Variants in CLCN4 observed in about 807,000 individuals in gnomAD.
CLCN4 encodes H(+)/Cl(-) exchange transporter 4.
In CLCN4, 1 loss-of-function variant was observed where a neutral mutation model predicts 41.7. The observed-to-expected ratio is 0.02, with a 90% CI of 0.01 to 0.11. CLCN4 has a LOEUF of 0.11. Among genes scored for constraint, CLCN4 ranks in the 10% least tolerant of loss-of-function variants. The pLI, the probability that CLCN4 is intolerant of heterozygous loss-of-function variation, is 1.00. For synonymous variants in CLCN4, 277 were observed against 285.8 expected (o/e 0.97, Z 0.31); for missense variants, 287 against 661.0 (o/e 0.43, Z 6.20).
At position 10,216,897 on chromosome X, in the gene CLCN4, GTATATATATATATA is replaced by G. The variant is rs1555977625; in HGVS notation, c.1975+2827_1975+2840del. Among the ~76,000 whole-genome samples the G allele has an allele frequency of 3.4e-4, 7 of 20,826 alleles. 1 individual carries two copies. Among genetic ancestry groups the G allele is most frequent in the Admixed American group, 1.2e-3 (2 of 1,729 alleles). The allele number at this position is 20,826 out of a possible 115,157, so 18.1% of individuals were successfully genotyped here. ...GTTGGGGATGTGTGTGTGTGTGTGT[GTATATATATATATA>G]TATATATACACACACACACATAGAG... On this transcript the variant is annotated intron_variant, in intron 11 of 12. Transcript: ENST00000380833.
intron 12 of CLCN4, among the ~76,000 whole-genome samples, chrX:10,228,228 TC>T (rs935536297): frequency 2.5e-4 from 27 of 106,087 alleles, no homozygotes; most frequent in Admixed American, 7.2e-4. Flanking sequence ...CATCCCCTCC[TC>T]CCCCCTCCCC....
At chrX:10,161,124 G>GCTCTCTCTCTCTCTCTCTCTCT (rs34687262) in intron 2 of CLCN4, among the ~76,000 whole-genome samples, 13 of 86,417 alleles carry the variant, frequency 1.5e-4, no homozygotes, top group South Asian at 6.3e-4. Context: ...CCATCAGCTT[G>GCTCTCTCTCTCTCTCTCTCTCT]CTCTCTCTCT....
chrX:10,199,235 CACA>C (rs1924175458), intron 6 of CLCN4, among the ~76,000 whole-genome samples: 1 of 112,230 alleles, frequency 8.9e-6, no homozygotes, highest in East Asian at 2.8e-4. Flanking sequence ...TGCAAAATCA[CACA>C]ACAGAAACCA....
intron 10 of CLCN4, among the ~76,000 whole-genome samples, chrX:10,213,205 G>GT (rs1443837218): frequency 8.9e-6 from 1 of 112,124 alleles, no homozygotes; most frequent in Non-Finnish European, 1.9e-5. Context: ...TTAAACCATC[G>GT]TAAGTCAGGG....
At position 10,213,565 on chromosome X, in the gene CLCN4, T is replaced by C. The variant is rs1924625321; in HGVS notation, c.1577-116T>C. 6.0e-6 allele frequency: 4 copies of C among 670,549 alleles called. No homozygotes were observed. The South Asian group carries it at 1.1e-4, about 18-fold the overall frequency. 55.3% of individuals were successfully genotyped at this position (670,549 alleles called of 1,213,427 possible). On this transcript the variant is annotated intron_variant, in intron 10 of 12. Transcript: ENST00000380833. ...CCAGTGTAGGAAGCATGTAGGAGAG[T>C]CTGCTTGGAACAGGTGTGAGGGGAA...
At position 10,227,532 on chromosome X, in the gene CLCN4, T is replaced by G. The variant is rs188400086; in HGVS notation, c.2193-5962T>G. Reference sequence around the variant, plus strand: ...TCTCTCACCATTCCTATTTAACATATTGTACAATTCACCCATTTAAAATGC... The same window carrying G: ...TCTCTCACCATTCCTATTTAACATAGTGTACAATTCACCCATTTAAAATGC... On this transcript the variant is annotated intron_variant, in intron 12 of 12. Transcript: ENST00000380833. 1.6e-3 allele frequency among the ~76,000 whole-genome samples: 184 copies of G among 111,828 alleles called. 1 individual carries two copies. Among genetic ancestry groups the G allele is most frequent in the Non-Finnish European group, 3.0e-3 (157 of 53,134 alleles).
In CLCN4 at chrX:10,215,988, G is replaced by A. The variant is rs751427346; in HGVS notation, c.1975+1909G>A. Among the ~76,000 whole-genome samples, 12 of 111,997 alleles carry A rather than the reference G, an allele frequency of 1.1e-4. No homozygotes were observed. The East Asian group carries it at 3.4e-3, about 31-fold the overall frequency. On this transcript the variant is annotated intron_variant, in intron 11 of 12. Transcript: ENST00000380833. The stretch of plus-strand genomic sequence containing the variant: ...ATCAGAAAAGCTGTTTTTCTGGCCT[G>A]TGGAAATAGAAGAGCCCCTGTACTC...
chrX:10,185,321 A>G (rs1052823788), intron 3 of CLCN4, 145 bp downstream of exon 3: 2 of 545,034 alleles, frequency 3.7e-6, no homozygotes, highest in Non-Finnish European at 5.6e-6. Flanking sequence ...AGGAGCAGAT[A>G]TATTGGCAGA....
chrX:10,223,465 T>A (rs1924908208), intron 12 of CLCN4, among the ~76,000 whole-genome samples: 1 of 111,921 alleles, frequency 8.9e-6, no homozygotes, highest in Non-Finnish European at 1.9e-5. Context: ...CAAACACAGA[T>A]GCTGCTGCGT....
chrX:10,211,001 C>T (rs1398394471), intron 9 of CLCN4, among the ~76,000 whole-genome samples: 5 of 99,986 alleles, frequency 5.0e-5, no homozygotes, highest in African/African-American at 1.8e-4. Flanking sequence ...CATGGTGGCT[C>T]ATGCCTGTAA....
At chrX:10,207,998 C>A (rs1602157210) in intron 8 of CLCN4, 47 bp from the exon 9 acceptor site, 2 of 1,087,620 alleles carry the variant, frequency 1.8e-6, no homozygotes, top group Non-Finnish European at 2.5e-6. Flanking sequence ...TGGCTCTGAG[C>A]AGCTCTTTCT....
chrX:10,211,136 C>T (rs148354666), intron 9 of CLCN4, among the ~76,000 whole-genome samples: 532 of 106,020 alleles, frequency 5.0e-3, no homozygotes, highest in African/African-American at 0.017. Context: ...CGTGGTGACA[C>T]ACGCCTGTGG....
At position 10,208,266 on chromosome X, in the gene CLCN4, C is replaced by T. The variant is rs1569230507; in HGVS notation, c.1065C>T (p.Ala355=). 8.3e-7 allele frequency: 1 copy of T among 1,211,406 alleles called. No homozygotes were observed. The highest frequency in any genetic ancestry group is 1.1e-6 in the Non-Finnish European group (1 of 895,270). Residue 355 remains alanine, a synonymous_variant, in exon 9 of 13, where the codon GCC becomes GCT. Coordinates refer to ENST00000380833, the MANE Select transcript of CLCN4 (RefSeq NM_001830.4). ...WGTLFIRCNI[A]WCRRRKTTRL... is the part of the protein sequence containing the mutation. ...CCCTCTTCATCCGCTGCAACATCGC[C>T]TGGTGCAGGAGGCGCAAGACCACCA...
intron 5 of CLCN4, among the ~76,000 whole-genome samples, chrX:10,197,635 A>G (rs1007616542): frequency 1.8e-5 from 2 of 111,536 alleles, no homozygotes; most frequent in African/African-American, 3.3e-5. Flanking sequence ...GATTAACTCT[A>G]TGCAAGTGGT....
At chrX:10,180,296 A>G (rs1923640535) in intron 2 of CLCN4, among the ~76,000 whole-genome samples, 1 of 111,970 alleles carries the variant, frequency 8.9e-6, no homozygotes, top group African/African-American at 3.2e-5. Context: ...CAAGAGGTAG[A>G]GTCTACTTTC....
chrX:10,179,680 A>G (rs1315009917), intron 2 of CLCN4, among the ~76,000 whole-genome samples: 1 of 111,581 alleles, frequency 9.0e-6, no homozygotes, highest in African/African-American at 3.3e-5. Context: ...CTCAGAAACA[A>G]GGCGACATGC....
intron 2 of CLCN4, among the ~76,000 whole-genome samples, chrX:10,181,660 A>T (rs1195234834): frequency 1.8e-5 from 2 of 111,800 alleles, no homozygotes; most frequent in Non-Finnish European, 3.8e-5. Context: ...TTCTACTTAG[A>T]ATCTGTCCTT....
chrX:10,189,919 G>A (rs1472702954), intron 4 of CLCN4, among the ~76,000 whole-genome samples: 1 of 111,912 alleles, frequency 8.9e-6, no homozygotes, highest in Non-Finnish European at 1.9e-5. Flanking sequence ...TGAAACTTGG[G>A]GTGATCATCC....
intron 11 of CLCN4, among the ~76,000 whole-genome samples, chrX:10,214,853 G>A (rs766097023): frequency 9.0e-6 from 1 of 111,436 alleles, no homozygotes; most frequent in South Asian, 3.8e-4. Flanking sequence ...GTAAACAGGA[G>A]GTAGGAGAAT....
Sources: gnomAD v4.1 joint callset for allele counts (sites outside exome capture counted in the v4.1 genomes callset) on GRCh38, gnomAD v4.1.1 for gene constraint, MANE v1.5 for transcripts, NCBI Gene and HGNC (gene_info 2026-07-23, HGNC 2026-07-21) for gene names.